The following PKD1 variants were observed in gnomAD, a reference collection of about 807,000 sequenced individuals.
The protein encoded by PKD1 is polycystin-1.
In PKD1, 81 loss-of-function variants were observed where a neutral mutation model predicts 361.7. The observed-to-expected ratio is 0.22, with a 90% confidence interval of 0.19 to 0.27. The LOEUF is 0.27. PKD1 is among the 10% of genes least tolerant of loss of function. The pLI is 1.00. For synonymous variants in PKD1, 3,615 were observed against 2,818.3 expected (o/e 1.28, Z -8.95); for missense variants, 6,399 against 6,118.3 (o/e 1.05, Z -1.53).
intron 2 of PKD1, 29 bp from the exon 3 acceptor site, chr16:2,119,214 T>C: frequency 6.5e-7 from 1 of 1,529,612 alleles, no homozygotes; most frequent in Non-Finnish European, 8.9e-7. Flanking sequence ...TCGGCAAAGC[T>C]GATGGAAGCC....
chr16:2,103,764 G>A lies in PKD1; in HGVS notation c.8293C>T (p.Arg2765Cys), dbSNP rs144979397. 14,561 of 1,609,844 alleles carry A rather than the reference G, an allele frequency of 9.0e-3. 106 individuals are homozygous for A. The highest frequency in any genetic ancestry group is 0.011 in the Non-Finnish European group (13,563 of 1,179,570). ...GGCTCCTCGTTGAGCACGCGGGAGCGCATGAGGATGCGCATGAGGGCAGAG... is the reference window on the plus strand; with the variant it reads ...GGCTCCTCGTTGAGCACGCGGGAGCACATGAGGATGCGCATGAGGGCAGAG... ...LTSALMRILM[R>C]SRVLNEEPLT... The change falls in exon 23 of 46, where the codon CGC (arginine) becomes TGC (cysteine). Residue 2765 changes from arginine to cysteine, a missense_variant. Coordinates refer to ENST00000262304, the MANE Select transcript of PKD1 (RefSeq NM_001009944.3).
At position 2,091,185 on chromosome 16, in the gene PKD1, C is replaced by T. The variant is rs780999638; in HGVS notation, c.11713-11G>A. 52 of 1,361,810 alleles carry T rather than the reference C, an allele frequency of 3.8e-5. 1 individual carries two copies. The Admixed American group carries it at 8.9e-4, about 23-fold the overall frequency. The allele number at this position is 1,361,810 out of a possible 1,614,324, so 84.4% of individuals were successfully genotyped here. On this transcript the variant is annotated splice_polypyrimidine_tract_variant and intron_variant, in intron 42 of 45. Coordinates refer to ENST00000262304, the MANE Select transcript of PKD1 (RefSeq NM_001009944.3). The stretch of plus-strand genomic sequence containing the variant: ...CAGCAGCAGGCACACCTGTGGGGGG[C>T]GCGGTCAGGAGGGCGGGAGGGACGC...
chr16:2,125,057 G>A (rs1031555469), intron 1 of PKD1, among the ~76,000 whole-genome samples: 38 of 152,236 alleles, frequency 2.5e-4, no homozygotes, highest in Non-Finnish European at 5.3e-4. Context: ...CCCCCACTGC[G>A]GCCCCTTCCT....
chr16:2,090,213 C>CTG lies in PKD1; in HGVS notation c.12445-20_12445-19insCA. On this transcript the variant is annotated intron_variant, in intron 45 of 45. Coordinates refer to ENST00000262304, the MANE Select transcript of PKD1 (RefSeq NM_001009944.3). ...GGCGGAACTGGGGGCGGCACAGGGG[C>CTG]TCAGTCAGTCCGGCTGCACCCTGGG... 1 of 1,608,404 alleles carries CTG rather than the reference C, an allele frequency of 6.2e-7. No homozygotes were observed. Among genetic ancestry groups the CTG allele is most frequent in the Non-Finnish European group, 8.5e-7 (1 of 1,177,614 alleles).
rs2092154138 is a variant in PKD1 at position 2,102,856 on chromosome 16, T to G, written c.8906A>C (p.Gln2969Pro). ...ASRRIRPESL[Q>P]GADHRPYTFF... ...GGTGTAGGGCCGGTGGTCAGCACCC[T>G]GGAGTGACTCTGGGCGGATCCTCCT... Residue 2969 changes from glutamine to proline, a missense_variant, in exon 24 of 46, where the codon CAG (glutamine) becomes CCG (proline). Transcript: ENST00000262304. 6.2e-7 allele frequency: 1 copy of G among 1,608,736 alleles called. No individual in the cohort carries two copies.
chr16:2,111,045 G>C lies in PKD1; in HGVS notation c.4122C>G (p.Ile1374Met), dbSNP rs757456211. 48 of 1,610,592 alleles carry C rather than the reference G, an allele frequency of 3.0e-5. No individual in the cohort carries two copies. The South Asian group carries it at 5.1e-4, about 17-fold the overall frequency. The change falls in exon 15 of 46, where the codon ATC becomes ATG. Residue 1374 changes from isoleucine (I) to methionine (M), a missense_variant. Physicochemically the swap from Ile to Met is conservative, Grantham distance 10 (BLOSUM62 1). Coordinates refer to ENST00000262304, the MANE Select transcript of PKD1 (RefSeq NM_001009944.3). ...CGTTGCCCACCTCTGGCTCCACGCA[G>C]ATGCTGGTGAAGTAATGCGCCCTGT... is the stretch of plus-strand genomic sequence containing the variant. ...RVNRAHYFTS[I>M]CVEPEVGNVT...
In PKD1 at chr16:2,106,038, G is replaced by T. The variant is rs769894398; in HGVS notation, c.7704-14C>A. The T allele has an allele frequency of 1.4e-5, 22 of 1,607,054 alleles. No homozygotes were observed. The highest frequency in any genetic ancestry group is 8.1e-5 in the African/African-American group (6 of 74,284). ...ATGGCCAAAGACCTACGAGCAGAGG[G>T]GGGTGGTGAGCAGGTGGCAGTCTCG... On this transcript the variant is annotated splice_polypyrimidine_tract_variant and intron_variant, in intron 19 of 45. Coordinates refer to ENST00000262304, the MANE Select transcript of PKD1 (RefSeq NM_001009944.3). The surrounding 1 kb of genome is among the most constrained non-coding windows in gnomAD (Gnocchi z 6.5).
chr16:2,124,824 C>T (rs181588637), intron 1 of PKD1, among the ~76,000 whole-genome samples: 3 of 152,340 alleles, frequency 2.0e-5, no homozygotes, highest in Non-Finnish European at 4.4e-5. Context: ...GGGCCGCCTG[C>T]GGAGCTTATG....
chr16:2,134,603 C>A (rs2092928294), intron 1 of PKD1, among the ~76,000 whole-genome samples: 1 of 151,808 alleles, frequency 6.6e-6, no homozygotes, highest in Non-Finnish European at 1.5e-5. Context: ...CCCTGCTATG[C>A]ACATCCCGGC....
chr16:2,135,339 G>A (rs1046299120), intron 1 of PKD1, 136 bp downstream of exon 1: 1 of 1,072,834 alleles, frequency 9.3e-7, no homozygotes, highest in Non-Finnish European at 1.1e-6. Context: ...TTATTTAGCA[G>A]GGCCGCCGTG....
At chr16:2,099,367 C>T in intron 30 of PKD1, 1 of 489,466 alleles carries the variant, frequency 2.0e-6, no homozygotes, top group South Asian at 2.0e-5. Flanking sequence ...CAGCCGCGTG[C>T]TTGCTTCTTC....
At chr16:2,128,895 G>A (rs28668625) in intron 1 of PKD1, among the ~76,000 whole-genome samples, 16,473 of 151,292 alleles carry the variant, frequency 0.11, 1,011 homozygotes, top group Middle Eastern at 0.22. Context: ...ACAGAGTCTC[G>A]CTCTGTTGAC....
At chr16:2,092,449 T>A (rs1224593108) in intron 39 of PKD1, 31 bp downstream of exon 39, 2 of 1,425,662 alleles carry the variant, frequency 1.4e-6, no homozygotes, top group African/African-American at 1.4e-5. Flanking sequence ...GAGGAACGAT[T>A]TAAGTCTTGG....
At position 2,112,864 on chromosome 16, in the gene PKD1, C is replaced by A. The variant is rs745914626; in HGVS notation, c.3085G>T (p.Ala1029Ser). 1 of 1,606,364 alleles carries A rather than the reference C, an allele frequency of 6.2e-7. No individual in the cohort carries two copies. The change falls in exon 13 of 46, where the codon GCC becomes TCC. Residue 1029 changes from alanine to serine, a missense_variant. Physicochemically the swap from Ala to Ser is moderately conservative, Grantham distance 99 (BLOSUM62 1). Coordinates refer to ENST00000262304, the MANE Select transcript of PKD1 (RefSeq NM_001009944.3). Reference protein sequence around the residue: ...MQGLQVSTVPAVLSPNATLAL... With the variant: ...MQGLQVSTVPSVLSPNATLAL... ...AGCGTGGCATTGGGGGACAGCACGG[C>A]CGGCACTGTGGAGACCTGCAGACCC...
At position 2,111,001 on chromosome 16, in the gene PKD1, C is replaced by T. The variant is rs770885337; in HGVS notation, c.4166G>A (p.Arg1389Lys). Residue 1389 changes from arginine (R) to lysine (K), a missense_variant, in exon 15 of 46, where the codon AGG becomes AAG. By Grantham distance (26) the Arg-to-Lys change is conservative. Coordinates refer to ENST00000262304, the MANE Select transcript of PKD1 (RefSeq NM_001009944.3). ...EVGNVTLQPE[R>K]QFVQLGDEAW... ...CTCGTCCCCGAGCTGCACAAACTGC[C>T]TCTCTGGCTGCAGGGTGACGTTGCC... is the stretch of plus-strand genomic sequence containing the variant. 4 of 1,610,674 alleles carry T rather than the reference C, an allele frequency of 2.5e-6. No homozygotes were observed. The Admixed American group carries it at 5.0e-5, about 20-fold the overall frequency.
In PKD1 at chr16:2,088,748, T is replaced by C; in HGVS notation, c.*979A>G. 1 of 1,256,980 alleles carries C rather than the reference T, an allele frequency of 8.0e-7. No homozygotes were observed. The highest frequency in any genetic ancestry group is 1.1e-6 in the Non-Finnish European group (1 of 917,318). 77.9% of individuals were successfully genotyped at this position (1,256,980 alleles called of 1,614,324 possible). A position where few individuals can be genotyped will look rare whatever the true frequency, so the allele number is the denominator to read the frequency against. On this transcript the variant is annotated 3_prime_UTR_variant, in exon 46 of 46. Coordinates refer to ENST00000262304, the MANE Select transcript of PKD1 (RefSeq NM_001009944.3). ...TCTTTTATTGACTTTGTCTGCTTGG[T>C]GCGGGGGTTGGGGGGGTGTCGAGGC...
intron 1 of PKD1, among the ~76,000 whole-genome samples, chr16:2,130,571 A>C (rs2151849275): frequency 6.6e-6 from 1 of 152,322 alleles, no homozygotes; most frequent in South Asian, 2.1e-4. Flanking sequence ...GACAATCCCT[A>C]GTCCTCGCTC....
chr16:2,091,180 G>GGGGGCGCGGTCAGGAGGGCGGGA lies in PKD1; in HGVS notation c.11713-29_11713-7dup. 7.1e-7 allele frequency: 1 copy of GGGGGCGCGGTCAGGAGGGCGGGA among 1,413,392 alleles called. No individual in the cohort carries two copies. Among genetic ancestry groups the GGGGGCGCGGTCAGGAGGGCGGGA allele is most frequent in the Non-Finnish European group, 9.2e-7 (1 of 1,092,818 alleles). The allele number at this position is 1,413,392 out of a possible 1,614,324, so 87.6% of individuals were successfully genotyped here. A position where few individuals can be genotyped will look rare whatever the true frequency, so the allele number is the denominator to read the frequency against. On this transcript the variant is annotated splice_polypyrimidine_tract_variant and splice_region_variant and intron_variant, in intron 42 of 45. Transcript: ENST00000262304. ...GCGAACAGCAGCAGGCACACCTGTG[G>GGGGGCGCGGTCAGGAGGGCGGGA]GGGGCGCGGTCAGGAGGGCGGGAGG...
chr16:2,101,633 G>A (rs556276147), intron 26 of PKD1, among the ~76,000 whole-genome samples: 6 of 152,310 alleles, frequency 3.9e-5, no homozygotes, highest in East Asian at 3.9e-4. Flanking sequence ...AAAGAAAAAC[G>A]AAAACAAAAA....
Sources: gnomAD v4.1 joint callset for allele counts (sites outside exome capture counted in the v4.1 genomes callset) on GRCh38, gnomAD v4.1.1 for gene constraint, Gnocchi (gnomAD v3.1) non-coding constraint, MANE v1.5 for transcripts, NCBI Gene and HGNC (gene_info 2026-07-23, HGNC 2026-07-21) for gene names.